NBEA: variants seen among roughly 807,000 people sequenced by gnomAD.
The protein encoded by NBEA is lysosomal-trafficking regulator 2.
NBEA carries 44 observed loss-of-function variants against 343.4 expected under a neutral mutation model. The observed-to-expected ratio is 0.13, with a 90% CI of 0.10 to 0.16. The LOEUF is 0.16. Ranked by LOEUF, NBEA falls within the 10% of genes least tolerant of loss-of-function variation. The pLI is 1.00. For missense variants in NBEA, 2,555 were observed against 3,631.3 expected, an observed-to-expected ratio of 0.70 and a Z score of 7.62; for synonymous variants, 1,175 against 1,238.7, an observed-to-expected ratio of 0.95 and a Z score of 1.08.
intron 35 of NBEA, among the ~76,000 whole-genome samples, chr13:35,302,783 C>T (rs1381521815): frequency 6.6e-6 from 1 of 152,138 alleles, no homozygotes; most frequent in Non-Finnish European, 1.5e-5. Context: ...GTCATTATGA[C>T]AATTGCACCA....
intron 46 of NBEA, among the ~76,000 whole-genome samples, chr13:35,585,269 A>G (rs1205675759): frequency 6.6e-6 from 1 of 150,772 alleles, no homozygotes; most frequent in East Asian, 2.0e-4. Context: ...CTACTTTATC[A>G]CCTCCCATTC....
Position 34,942,943 on chromosome 13 carries a change from G to C in NBEA, c.123G>C (p.Gly41=). 6.3e-7 allele frequency: 1 copy of C among 1,586,596 alleles called. No individual in the cohort carries two copies. Among genetic ancestry groups the C allele is most frequent in the Non-Finnish European group, 8.6e-7 (1 of 1,166,980 alleles). The change falls in exon 1 of 59, where the codon GGG becomes GGC. Residue 41 remains glycine (G), a synonymous_variant. Transcript: ENST00000379939. ...GSGGGGTGGS[G]MGELRGASGS... Reference sequence around the variant, plus strand: ...GTGGTGGCGGCACCGGGGGCAGCGGGATGGGGGAGCTAAGGGGGGCGTCCG... The same window carrying C: ...GTGGTGGCGGCACCGGGGGCAGCGGCATGGGGGAGCTAAGGGGGGCGTCCG...
chr13:34,993,238 C>T (rs549244434), intron 1 of NBEA, among the ~76,000 whole-genome samples: 8 of 152,144 alleles, frequency 5.3e-5, no homozygotes, highest in South Asian at 2.1e-4. Flanking sequence ...TGATCTCAGC[C>T]GAAATATTAT....
intron 47 of NBEA, among the ~76,000 whole-genome samples, chr13:35,595,831 T>C (rs1235976067): frequency 6.6e-6 from 1 of 152,150 alleles, no homozygotes; most frequent in African/African-American, 2.4e-5. Context: ...TATTAAACAA[T>C]GGAACTTCTG....
intron 1 of NBEA, among the ~76,000 whole-genome samples, chr13:34,979,737 C>G (rs1385101026): frequency 6.6e-6 from 1 of 152,042 alleles, no homozygotes; most frequent in Non-Finnish European, 1.5e-5. Flanking sequence ...GAATTTAATT[C>G]ATCAACTATT....
At chr13:35,211,719 T>A (rs1434030048) in intron 33 of NBEA, among the ~76,000 whole-genome samples, 1 of 151,908 alleles carries the variant, frequency 6.6e-6, no homozygotes, top group Non-Finnish European at 1.5e-5. Flanking sequence ...GGAGGGAGGC[T>A]AGGGCAGGAG....
chr13:35,251,377 G>A lies in NBEA; in HGVS notation c.5776+18758G>A. ...AGCCTTGGAGAGGACTCCAATGACT[G>A]TGTGCTGGTGTTCTGCCATCTGTCA... is the stretch of plus-strand genomic sequence containing the variant. On this transcript the variant is annotated intron_variant, in intron 34 of 58. Transcript: ENST00000379939. 4.8e-6 allele frequency: 5 copies of A among 1,038,712 alleles called. No individual in the cohort carries two copies. The South Asian group carries it at 9.8e-5, about 20-fold the overall frequency. 64.3% of individuals were successfully genotyped at this position (1,038,712 alleles called of 1,614,324 possible). A position where few individuals can be genotyped will look rare whatever the true frequency, so the allele number is the denominator to read the frequency against.
chr13:35,489,686 A>T (rs904196832), intron 41 of NBEA, among the ~76,000 whole-genome samples: 1 of 151,914 alleles, frequency 6.6e-6, no homozygotes, highest in East Asian at 1.9e-4. Context: ...GAAGAATGCC[A>T]GTTCTTCAAC....
At chr13:35,506,368 C>CCGGT (rs1454178882) in intron 41 of NBEA, among the ~76,000 whole-genome samples, 1 of 152,164 alleles carries the variant, frequency 6.6e-6, no homozygotes, top group Non-Finnish European at 1.5e-5. Context: ...CTCAACCAGA[C>CCGGT]CCATCCATTA....
chr13:35,315,361 A>G (rs1038840553), intron 36 of NBEA, among the ~76,000 whole-genome samples: 53 of 152,322 alleles, frequency 3.5e-4, no homozygotes, highest in African/African-American at 1.3e-3. Context: ...GGCTGAAATT[A>G]TACACTGGAT....
chr13:35,390,960 A>G (rs932987864), intron 38 of NBEA, among the ~76,000 whole-genome samples: 4 of 152,138 alleles, frequency 2.6e-5, no homozygotes, highest in Admixed American at 2.6e-4. Context: ...AAATTCTTAA[A>G]TCAGTTGTCC....
chr13:34,962,552 C>T (rs770969560), intron 1 of NBEA, among the ~76,000 whole-genome samples: 6 of 151,998 alleles, frequency 3.9e-5, no homozygotes, highest in Non-Finnish European at 7.4e-5. Flanking sequence ...GAAAACGTTA[C>T]AGAGTTGAGG....
At chr13:35,090,416 A>G (rs1225880371) in intron 10 of NBEA, among the ~76,000 whole-genome samples, 1 of 151,984 alleles carries the variant, frequency 6.6e-6, no homozygotes, top group African/African-American at 2.4e-5. Flanking sequence ...AAGTAGGAAA[A>G]TGACATGAGA....
At chr13:35,359,879 T>C (rs555631940) in intron 38 of NBEA, among the ~76,000 whole-genome samples, 3 of 151,866 alleles carry the variant, frequency 2.0e-5, no homozygotes, top group South Asian at 4.2e-4. Flanking sequence ...GTTTTTATTA[T>C]TCATTTTCAA....
intron 17 of NBEA, among the ~76,000 whole-genome samples, chr13:35,138,531 C>T (rs1305650249): frequency 2.0e-5 from 3 of 151,224 alleles, no homozygotes; most frequent in African/African-American, 7.3e-5. Context: ...GCAATCTCCA[C>T]CCACTGCAAC....
At chr13:35,470,991 C>A (rs569477684) in intron 40 of NBEA, among the ~76,000 whole-genome samples, 2 of 152,294 alleles carry the variant, frequency 1.3e-5, no homozygotes, top group Admixed American at 1.3e-4. Context: ...GGGCAGAGGC[C>A]GAGGCCCAGA....
At chr13:35,443,007 T>TA (rs1227730956) in intron 39 of NBEA, among the ~76,000 whole-genome samples, 1 of 152,098 alleles carries the variant, frequency 6.6e-6, no homozygotes, top group Non-Finnish European at 1.5e-5. Context: ...CAGTGAGCAA[T>TA]AACTGTTGGT....
chr13:35,463,699 G>A (rs1238339810), intron 40 of NBEA, among the ~76,000 whole-genome samples: 2 of 152,114 alleles, frequency 1.3e-5, no homozygotes, highest in Admixed American at 1.3e-4. Flanking sequence ...TAATTAATGA[G>A]TATTTCCCAA....
intron 38 of NBEA, among the ~76,000 whole-genome samples, chr13:35,411,704 T>C (rs1269018160): frequency 6.6e-6 from 1 of 151,966 alleles, no homozygotes; most frequent in African/African-American, 2.4e-5. Context: ...TACCATGTTA[T>C]CCAGGCTGAT....
Sources: gnomAD v4.1 joint callset for allele counts (sites outside exome capture counted in the v4.1 genomes callset) on GRCh38, gnomAD v4.1.1 for gene constraint, MANE v1.5 for transcripts, NCBI Gene and HGNC (gene_info 2026-07-23, HGNC 2026-07-21) for gene names.